The following HTR2C variants were observed in gnomAD, a reference collection of about 807,000 sequenced individuals.
The protein encoded by HTR2C is 5-hydroxytryptamine receptor 2C, also known as 5-hydroxytryptamine (serotonin) receptor 2C, G protein-coupled.
HTR2C carries 5 observed loss-of-function variants against 21.0 expected under a neutral mutation model. That is an observed-to-expected ratio of 0.24 (90% CI 0.12 to 0.50). The LOEUF is 0.50. Among genes scored for constraint, HTR2C ranks in the 20% least tolerant of loss-of-function variants. The pLI, the probability that HTR2C is intolerant of heterozygous loss-of-function variation, is 0.98. For synonymous variants in HTR2C, 150 were observed against 145.3 expected (o/e 1.03, Z -0.23); for missense variants, 271 against 371.2 (o/e 0.73, Z 2.22).
chrX:114,787,892 G>A (rs920123607), intron 4 of HTR2C, among the ~76,000 whole-genome samples: 6 of 106,408 alleles, frequency 5.6e-5, no homozygotes, highest in African/African-American at 2.1e-4. Flanking sequence ...GCTTGCAGTG[G>A]GCCAAGATGG....
chrX:114,681,231 G>A (rs970279914), intron 2 of HTR2C, among the ~76,000 whole-genome samples: 3 of 111,123 alleles, frequency 2.7e-5, no homozygotes, highest in Admixed American at 9.6e-5. Context: ...TCCCTTAGTG[G>A]AAATTGAGGA....
chrX:114,729,219 A>C (rs1050443101), intron 3 of HTR2C, among the ~76,000 whole-genome samples: 3 of 112,220 alleles, frequency 2.7e-5, no homozygotes, highest in Non-Finnish European at 5.6e-5. Context: ...TTTGAAATAC[A>C]TGAGTTGGGA....
chrX:114,666,175 C>T (rs1203215269), intron 2 of HTR2C, among the ~76,000 whole-genome samples: 3 of 111,769 alleles, frequency 2.7e-5, no homozygotes, highest in African/African-American at 9.8e-5. Flanking sequence ...GAGAAAGCAA[C>T]ATATTAGCTG....
intron 1 of HTR2C, among the ~76,000 whole-genome samples, chrX:114,590,371 G>A (rs1225229138): frequency 1.8e-5 from 2 of 111,829 alleles, no homozygotes; most frequent in African/African-American, 6.5e-5. Flanking sequence ...AGAAAGATTG[G>A]AGAAGTCCAG....
chrX:114,670,394 CAAAA>C (rs35858180), intron 2 of HTR2C, among the ~76,000 whole-genome samples: 92 of 63,497 alleles, frequency 1.4e-3, no homozygotes, highest in South Asian at 5.3e-3. Flanking sequence ...TACTCTGTCT[CAAAA>C]AAAAAAAAAA....
In HTR2C at chrX:114,790,465, C is replaced by T. The variant is rs1365419501; in HGVS notation, c.350-57538C>T. 1.7e-4 allele frequency among the ~76,000 whole-genome samples: 19 copies of T among 111,570 alleles called. No individual in the cohort carries two copies. In the Admixed American group the frequency reaches 1.7e-3, roughly 10 times the overall value. On this transcript the variant is annotated intron_variant, in intron 4 of 5. Coordinates refer to ENST00000276198, the MANE Select transcript of HTR2C (RefSeq NM_000868.4). ...AATGTTTTACAAAATCAAAAAGATT[C>T]CTAATCCCAGCCAATTAACCACTTA...
At chrX:114,827,223 G>A (rs2070686259) in intron 4 of HTR2C, among the ~76,000 whole-genome samples, 1 of 111,151 alleles carries the variant, frequency 9.0e-6, no homozygotes, top group Non-Finnish European at 1.9e-5. Flanking sequence ...CATTATCTCA[G>A]TGCTCAAAAA....
chrX:114,668,878 G>A (rs1029392300), intron 2 of HTR2C, among the ~76,000 whole-genome samples: 2 of 110,664 alleles, frequency 1.8e-5, no homozygotes, highest in Non-Finnish European at 3.8e-5. Flanking sequence ...AAATGTGTGC[G>A]TATGTAAATA....
intron 2 of HTR2C, among the ~76,000 whole-genome samples, chrX:114,663,535 C>T (rs1346398155): frequency 1.8e-5 from 2 of 111,245 alleles, no homozygotes; most frequent in East Asian, 5.6e-4. Context: ...AAACCAAATA[C>T]ACACTTGATA....
At chrX:114,865,167 C>T (rs2071036196) in intron 5 of HTR2C, among the ~76,000 whole-genome samples, 1 of 111,415 alleles carries the variant, frequency 9.0e-6, no homozygotes, top group Admixed American at 9.6e-5. Flanking sequence ...AGGATATACT[C>T]TTTTGTAAAT....
intron 1 of HTR2C, among the ~76,000 whole-genome samples, chrX:114,597,456 T>C (rs1556392918): frequency 9.0e-6 from 1 of 111,325 alleles, no homozygotes. Context: ...AAGGACTAAA[T>C]TGTGTACCAC....
At chrX:114,646,245 C>G in intron 2 of HTR2C, among the ~76,000 whole-genome samples, 2 of 111,604 alleles carry the variant, frequency 1.8e-5, no homozygotes, top group Admixed American at 1.9e-4. Context: ...TTAGAGACAT[C>G]TGTGATTTGA....
intron 4 of HTR2C, chrX:114,776,357 G>A (rs1215524702): frequency 1.4e-6 from 1 of 737,744 alleles, no homozygotes; most frequent in South Asian, 2.1e-5. Flanking sequence ...CACAGCATTG[G>A]TAACAGTCTT....
chrX:114,766,134 T>G lies in HTR2C; in HGVS notation c.349+34527T>G, dbSNP rs782449732. 3.6e-5 allele frequency among the ~76,000 whole-genome samples: 4 copies of G among 111,771 alleles called. No individual in the cohort carries two copies. In the East Asian group the frequency reaches 1.1e-3, roughly 31 times the overall value. On this transcript the variant is annotated intron_variant, in intron 4 of 5. Coordinates refer to ENST00000276198, the MANE Select transcript of HTR2C (RefSeq NM_000868.4). ...AGAATTTGTGCCTGGAATAAGAGCTTGAACTAGATTTTTTTTGAGGTTGTC... is the reference window on the plus strand; with the variant it reads ...AGAATTTGTGCCTGGAATAAGAGCTGGAACTAGATTTTTTTTGAGGTTGTC...
chrX:114,604,530 G>C (rs890606155), intron 1 of HTR2C, among the ~76,000 whole-genome samples: 5 of 110,080 alleles, frequency 4.5e-5, no homozygotes, highest in Admixed American at 9.7e-5. Context: ...TGATGGTCTA[G>C]GGGGCTTCCG....
At chrX:114,779,809 T>C (rs1267819402) in intron 4 of HTR2C, among the ~76,000 whole-genome samples, 1 of 112,066 alleles carries the variant, frequency 8.9e-6, no homozygotes, top group Non-Finnish European at 1.9e-5. Flanking sequence ...AGATACTTTG[T>C]AAGTTTATGA....
At position 114,864,010 on chromosome X, in the gene HTR2C, C is replaced by G. The variant is rs932487854; in HGVS notation, c.550+15807C>G. ...ATATCGTCTTCCATTCCTTCACTTT[C>G]AGCCTGTGTATGTCTTTAAAGCATA... On this transcript the variant is annotated intron_variant, in intron 5 of 5. Coordinates refer to ENST00000276198, the MANE Select transcript of HTR2C (RefSeq NM_000868.4). Among the ~76,000 whole-genome samples the G allele has an allele frequency of 1.9e-4, 21 of 110,415 alleles. No homozygotes were observed. In the Admixed American group the frequency reaches 2.0e-3, roughly 11 times the overall value.
intron 2 of HTR2C, among the ~76,000 whole-genome samples, chrX:114,653,689 C>T (rs1930672700): frequency 9.1e-6 from 1 of 110,336 alleles, no homozygotes; most frequent in Admixed American, 9.8e-5. Flanking sequence ...ATTAAGTGTA[C>T]AAGGATTATG....
chrX:114,820,689 C>T (rs942884304), intron 4 of HTR2C, among the ~76,000 whole-genome samples: 3 of 110,110 alleles, frequency 2.7e-5, no homozygotes, highest in Non-Finnish European at 3.8e-5. Context: ...TAGGGGTTTC[C>T]GCTTTTGCTT....
Sources: gnomAD v4.1 joint callset for allele counts (sites outside exome capture counted in the v4.1 genomes callset) on GRCh38, gnomAD v4.1.1 for gene constraint, MANE v1.5 for transcripts, NCBI Gene and HGNC (gene_info 2026-07-23, HGNC 2026-07-21) for gene names.